CNTNAP3B: variants seen among roughly 807,000 people sequenced by gnomAD.
CNTNAP3B encodes contactin associated protein family member 3B, also known as contactin-associated protein-like 3B.
Under a neutral mutation model 108.9 loss-of-function variants are expected in CNTNAP3B, and 25 were observed. That is an observed-to-expected ratio of 0.23 (90% confidence interval 0.17 to 0.32). The LOEUF (loss-of-function observed/expected upper bound fraction) is 0.32, where lower values mean the gene tolerates loss of function less well. Ranked by LOEUF, CNTNAP3B falls within the 10% of genes least tolerant of loss-of-function variation. The pLI is 1.00. For missense variants in CNTNAP3B, 252 were observed against 1,210.4 expected, an observed-to-expected ratio of 0.21 and a Z score of 11.75; for synonymous variants, 103 against 473.4, an observed-to-expected ratio of 0.22 and a Z score of 10.16.
chr9:41,936,125 C>G (rs1346216336), intron 14 of CNTNAP3B, among the ~76,000 whole-genome samples: 1 of 152,412 alleles, frequency 6.6e-6, no homozygotes, highest in South Asian at 2.1e-4. Context: ...ACTAAAAATA[C>G]AAAAATTAGC....
intron 3 of CNTNAP3B, among the ~76,000 whole-genome samples, chr9:42,014,528 C>T (rs559514722): frequency 4.2e-5 from 5 of 119,594 alleles, no homozygotes; most frequent in East Asian, 3.1e-4. Flanking sequence ...CGTTGGCTCA[C>T]GCCTGTAATC....
chr9:42,115,745 A>G (rs1412039264), intron 1 of CNTNAP3B, among the ~76,000 whole-genome samples: 1 of 119,358 alleles, frequency 8.4e-6, no homozygotes, highest in Non-Finnish European at 1.7e-5. Context: ...GGTACATAAA[A>G]CCACAAAGAT....
chr9:41,933,752 A>T (rs953489957), intron 14 of CNTNAP3B, among the ~76,000 whole-genome samples: 1 of 152,284 alleles, frequency 6.6e-6, no homozygotes, highest in Non-Finnish European at 1.5e-5. Flanking sequence ...TTCATCACTT[A>T]CATCTATTTT....
chr9:41,968,947 C>T (rs1398924157), intron 10 of CNTNAP3B, among the ~76,000 whole-genome samples: 1 of 152,234 alleles, frequency 6.6e-6, no homozygotes, highest in East Asian at 1.9e-4. Flanking sequence ...CAGGCGCCCG[C>T]CACCATGCCT....
intron 15 of CNTNAP3B, among the ~76,000 whole-genome samples, chr9:41,926,455 T>A (rs1207128486): frequency 6.6e-6 from 1 of 152,310 alleles, no homozygotes; most frequent in East Asian, 1.9e-4. Context: ...TCTTTCTTCA[T>A]TAATCAATTT....
chr9:42,115,011 G>A (rs1429391261), intron 1 of CNTNAP3B, among the ~76,000 whole-genome samples: 2 of 136,678 alleles, frequency 1.5e-5, no homozygotes, highest in Non-Finnish European at 1.6e-5. Flanking sequence ...CCAAGATTGT[G>A]CCACTGCTCT....
rs1019536551 is a variant in CNTNAP3B, at chr9:41,979,161, A to G, written c.1477+7007T>C. On this transcript the variant is annotated intron_variant, in intron 9 of 23. Coordinates refer to ENST00000377561, the MANE Select transcript of CNTNAP3B (RefSeq NM_001201380.3). ...GTCTTCCCTCTCTGTGTGTCTCTGC[A>G]CCTCCATTTCCATTTTTCATAAGGA... 1.6e-5 allele frequency among the ~76,000 whole-genome samples: 2 copies of G among 128,808 alleles called. 1 individual carries two copies. Among genetic ancestry groups the G allele is most frequent in the African/African-American group, 6.5e-5 (2 of 30,908 alleles). The allele number at this position is 128,808 out of a possible 152,430, so 84.5% of individuals were successfully genotyped here.
At chr9:42,075,835 A>ATT (rs1587251278) in intron 3 of CNTNAP3B, among the ~76,000 whole-genome samples, 6 of 46,708 alleles carry the variant, frequency 1.3e-4, no homozygotes, top group Admixed American at 4.5e-4. Flanking sequence ...TGTAATAAAT[A>ATT]CTTATTATTA....
intron 10 of CNTNAP3B, among the ~76,000 whole-genome samples, chr9:41,965,825 T>C (rs1474630027): frequency 1.3e-5 from 2 of 151,206 alleles, no homozygotes; most frequent in Middle Eastern, 3.5e-3. Flanking sequence ...CAGGGGCCTG[T>C]ATTTGGCCTC....
intron 12 of CNTNAP3B, among the ~76,000 whole-genome samples, chr9:41,959,823 G>A (rs1223972840): frequency 6.6e-6 from 1 of 152,300 alleles, no homozygotes; most frequent in Non-Finnish European, 1.5e-5. Context: ...CCAAATTTAT[G>A]AAACTTTTGA....
At chr9:41,967,711 G>T (rs1424063763) in intron 10 of CNTNAP3B, among the ~76,000 whole-genome samples, 1 of 152,262 alleles carries the variant, frequency 6.6e-6, no homozygotes, top group Non-Finnish European at 1.5e-5. Context: ...TGTCCCCAAA[G>T]TTTTCTAATT....
intron 2 of CNTNAP3B, among the ~76,000 whole-genome samples, chr9:42,078,362 G>T (rs1288029086): frequency 1.5e-5 from 2 of 133,190 alleles, no homozygotes; most frequent in Admixed American, 1.5e-4. Context: ...CAGATTCTTA[G>T]AAGTCAGATT....
chr9:41,968,523 A>G (rs1825349357), intron 10 of CNTNAP3B, among the ~76,000 whole-genome samples: 1 of 142,400 alleles, frequency 7.0e-6, no homozygotes, highest in Admixed American at 7.0e-5. Context: ...TACACTTCAT[A>G]TACTCCTCAT....
At chr9:41,939,296 T>G (rs1824259242) in intron 13 of CNTNAP3B, among the ~76,000 whole-genome samples, 1 of 152,304 alleles carries the variant, frequency 6.6e-6, no homozygotes, top group Non-Finnish European at 1.5e-5. Context: ...GAAATTGGAT[T>G]AACTCAACCA....
At chr9:41,929,180 T>C (rs1823904715) in intron 15 of CNTNAP3B, 137 bp downstream of exon 15, 1 of 1,343,426 alleles carries the variant, frequency 7.4e-7, no homozygotes, top group Non-Finnish European at 9.8e-7. Context: ...CTTTATGGTA[T>C]GTGTGTTTTC....
At chr9:42,056,548 C>T (rs1222257451) in intron 3 of CNTNAP3B, among the ~76,000 whole-genome samples, 1 of 137,572 alleles carries the variant, frequency 7.3e-6, no homozygotes, top group Non-Finnish European at 1.6e-5. Flanking sequence ...GGTGGGGTTT[C>T]ACCGGGTTAG....
chr9:41,977,344 C>T (rs1293296429), intron 9 of CNTNAP3B, among the ~76,000 whole-genome samples: 1 of 148,970 alleles, frequency 6.7e-6, no homozygotes, highest in Admixed American at 6.7e-5. Flanking sequence ...TTAGTGCTTC[C>T]TAAATATTTT....
intron 2 of CNTNAP3B, among the ~76,000 whole-genome samples, chr9:42,087,507 G>A (rs1827730317): frequency 7.1e-6 from 1 of 140,148 alleles, no homozygotes; most frequent in East Asian, 2.2e-4. Context: ...AGTCTGCTAT[G>A]AGTGTAATAT....
chr9:42,111,127 C>A (rs1488159628), intron 1 of CNTNAP3B, among the ~76,000 whole-genome samples: 3 of 138,442 alleles, frequency 2.2e-5, no homozygotes, highest in Non-Finnish European at 4.6e-5. Flanking sequence ...GAATGTCATG[C>A]CTGTCCTACT....
Sources: allele counts gnomAD v4.1 joint callset (sites outside exome capture counted in the v4.1 genomes callset), GRCh38; gene constraint gnomAD v4.1.1; transcripts MANE v1.5; gene names NCBI Gene and HGNC (gene_info 2026-07-23, HGNC 2026-07-21).